Variants in MROH9 observed in about 807,000 individuals in gnomAD.
MROH9 encodes maestro heat-like repeat-containing protein family member 9.
A neutral mutation model predicts 98.2 loss-of-function variants in MROH9; 92 were observed. That is an observed-to-expected ratio of 0.94 (90% CI 0.79 to 1.11). The LOEUF is 1.11. Ranked by LOEUF, MROH9 falls within the 50% of genes most tolerant of loss-of-function variation. The pLI is 0.00. For synonymous variants in MROH9, 397 were observed against 368.9 expected (o/e 1.08, Z -0.87); for missense variants, 1,057 against 1,014.8 (o/e 1.04, Z -0.57).
At chr1:171,026,423 A>G (rs1652716406) in intron 20 of MROH9, among the ~76,000 whole-genome samples, 2 of 151,964 alleles carry the variant, frequency 1.3e-5, no homozygotes, top group Non-Finnish European at 2.9e-5. Flanking sequence ...TATAGGCATG[A>G]GCCACCACGC....
intron 15 of MROH9, among the ~76,000 whole-genome samples, chr1:171,004,416 G>A (rs541219432): frequency 4.0e-5 from 6 of 150,284 alleles, no homozygotes; most frequent in Non-Finnish European, 7.5e-5. Flanking sequence ...TGAACTCCCA[G>A]GGCCTTTCTG....
At chr1:171,036,924 T>G (rs926724557) in intron 20 of MROH9, among the ~76,000 whole-genome samples, 1 of 151,590 alleles carries the variant, frequency 6.6e-6, no homozygotes, top group East Asian at 1.9e-4. Context: ...TGGAAAACAG[T>G]AAGAAAAATC....
At chr1:170,970,742 G>A (rs868570334) in intron 7 of MROH9, among the ~76,000 whole-genome samples, 11,815 of 144,818 alleles carry the variant, frequency 0.082, 552 homozygotes, top group Non-Finnish European at 0.11. Flanking sequence ...GAGAGAGAGA[G>A]AGAGAGAGAG....
intron 3 of MROH9, among the ~76,000 whole-genome samples, chr1:170,952,206 TC>T (rs1439220008): frequency 6.6e-6 from 1 of 151,820 alleles, no homozygotes; most frequent in Non-Finnish European, 1.5e-5. Context: ...TCCTCAGGGA[TC>T]TAGAACTAGA....
At chr1:171,041,349 G>A (rs1374056538) in intron 20 of MROH9, among the ~76,000 whole-genome samples, 16 of 64,780 alleles carry the variant, frequency 2.5e-4, no homozygotes, top group East Asian at 1.3e-3. Flanking sequence ...ATTCCATGAT[G>A]TGTGTGTGTG....
chr1:171,020,915 C>T (rs1652495667), intron 17 of MROH9, among the ~76,000 whole-genome samples: 1 of 152,126 alleles, frequency 6.6e-6, no homozygotes, highest in African/African-American at 2.4e-5. Flanking sequence ...CACAAAGTCT[C>T]GGGATACAAA....
At chr1:170,947,422 T>C in intron 2 of MROH9, 105 bp from the exon 3 acceptor site, 1 of 880,428 alleles carries the variant, frequency 1.1e-6, no homozygotes, top group Non-Finnish European at 1.9e-6. Context: ...TTGTTGGGCT[T>C]TGACATCAAG....
intron 20 of MROH9, among the ~76,000 whole-genome samples, chr1:171,047,190 A>C (rs1011803085): frequency 6.6e-6 from 1 of 152,106 alleles, no homozygotes. Context: ...ACCTTTTTGT[A>C]CTTGGATATA....
chr1:170,942,355 G>T (rs185563902), intron 1 of MROH9, among the ~76,000 whole-genome samples: 1 of 140,612 alleles, frequency 7.1e-6, no homozygotes, highest in Non-Finnish European at 1.5e-5. Flanking sequence ...GTTTCCTCCG[G>T]CAATGTAGAG....
chr1:170,945,885 ACTTT>A (rs1327056612), intron 2 of MROH9, among the ~76,000 whole-genome samples: 3 of 152,070 alleles, frequency 2.0e-5, no homozygotes, highest in African/African-American at 7.2e-5. Flanking sequence ...TGTCCAGTAA[ACTTT>A]CTATTTTAAA....
intron 15 of MROH9, among the ~76,000 whole-genome samples, chr1:171,002,798 T>A (rs977474021): frequency 6.6e-6 from 1 of 152,200 alleles, no homozygotes; most frequent in Non-Finnish European, 1.5e-5. Flanking sequence ...CATGTCGAGA[T>A]CTCTAGCAAG....
At position 171,011,924 on chromosome 1, in the gene MROH9, T is replaced by C. The variant is rs1652167883; in HGVS notation, c.1597-2193T>C. ...ATACAATGATTTCTGCCTTTATTATTTTCTTACACCAACTTTCTTTAGCAC... is the reference window on the plus strand; with the variant it reads ...ATACAATGATTTCTGCCTTTATTATCTTCTTACACCAACTTTCTTTAGCAC... On this transcript the variant is annotated intron_variant, in intron 15 of 21. Coordinates refer to ENST00000367759, the MANE Select transcript of MROH9 (RefSeq NM_001163629.2). Among the ~76,000 whole-genome samples, 3 of 152,180 alleles carry C rather than the reference T, an allele frequency of 2.0e-5. No homozygotes were observed. In the South Asian group the frequency reaches 6.2e-4, roughly 31 times the overall value.
At chr1:170,941,045 C>T (rs754897910) in intron 1 of MROH9, among the ~76,000 whole-genome samples, 13 of 152,080 alleles carry the variant, frequency 8.5e-5, no homozygotes, top group African/African-American at 1.7e-4. Context: ...GGGGACACAC[C>T]GGACCCACTG....
chr1:170,999,530 A>C (rs867786526), intron 15 of MROH9, among the ~76,000 whole-genome samples: 11 of 151,518 alleles, frequency 7.3e-5, no homozygotes, highest in African/African-American at 2.7e-4. Flanking sequence ...TTCCATCTAT[A>C]TATATATATA....
At chr1:171,024,621 T>C (rs1439745565) in intron 18 of MROH9, 28 bp from the exon 19 acceptor site, 80 of 1,539,074 alleles carry the variant, frequency 5.2e-5, no homozygotes, top group Non-Finnish European at 6.4e-5. Context: ...GATGAATAGA[T>C]CTTCACCGGC....
Position 170,995,266 on chromosome 1 carries a change from T to C in MROH9, c.1195-123T>C, listed in dbSNP as rs1651520047. 3.0e-6 allele frequency: 3 copies of C among 1,003,164 alleles called. No homozygotes were observed. In the Admixed American group the frequency reaches 6.6e-5, roughly 22 times the overall value. The allele number at this position is 1,003,164 out of a possible 1,614,324, so 62.1% of individuals were successfully genotyped here. ...AATGAATGGATACCCATATGTGCTT[T>C]AGGTTTTCTTCAAGGAGGCTGAAGG... On this transcript the variant is annotated intron_variant, in intron 12 of 21. Coordinates refer to ENST00000367759, the MANE Select transcript of MROH9 (RefSeq NM_001163629.2).
intron 21 of MROH9, among the ~76,000 whole-genome samples, chr1:171,063,148 C>T (rs1654061793): frequency 6.6e-6 from 1 of 151,952 alleles, no homozygotes; most frequent in Admixed American, 6.6e-5. Flanking sequence ...TCTAAATCTC[C>T]CCCTTTGTTT....
At chr1:170,971,343 A>G (rs1337915618) in intron 7 of MROH9, among the ~76,000 whole-genome samples, 1 of 152,186 alleles carries the variant, frequency 6.6e-6, no homozygotes, top group African/African-American at 2.4e-5. Flanking sequence ...AGTGTTTCGT[A>G]TGTGAAGAAG....
chr1:171,008,912 T>C lies in MROH9; in HGVS notation c.1597-5205T>C, dbSNP rs146946322. Among the ~76,000 whole-genome samples the C allele has an allele frequency of 2.6e-4, 40 of 152,156 alleles. No homozygotes were observed. In the East Asian group the frequency reaches 7.5e-3, roughly 29 times the overall value. On this transcript the variant is annotated intron_variant, in intron 15 of 21. Coordinates refer to ENST00000367759, the MANE Select transcript of MROH9 (RefSeq NM_001163629.2). ...AGAAAAAGACATGTATTATGTACTA[T>C]AGAAGTATATAAAATGTAGACTTAT...
Sources: gnomAD v4.1 joint callset for allele counts (sites outside exome capture counted in the v4.1 genomes callset) on GRCh38, gnomAD v4.1.1 for gene constraint, MANE v1.5 for transcripts, NCBI Gene and HGNC (gene_info 2026-07-23, HGNC 2026-07-21) for gene names.